The following RNF180 variants were observed in gnomAD, a reference collection of about 807,000 sequenced individuals.
The protein encoded by RNF180 is ring finger protein 180, also known as E3 ubiquitin-protein ligase RNF180.
RNF180 carries 38 observed loss-of-function variants against 59.2 expected under a neutral mutation model. The ratio of observed to expected loss-of-function variants is 0.64; its 90% CI spans 0.50 to 0.84. The LOEUF (loss-of-function observed/expected upper bound fraction) is 0.84. Ranked by LOEUF, RNF180 falls within the 40% of genes least tolerant of loss-of-function variation. The probability of loss-of-function intolerance (pLI) is 0.00; values close to 1 mark genes in which losing one functional copy is unlikely to be tolerated. For missense variants in RNF180, 705 were observed against 700.9 expected (o/e 1.01, Z -0.07); for synonymous variants, 262 against 240.3 (o/e 1.09, Z -0.84).
chr5:64,294,895 G>A (rs757517372), intron 5 of RNF180, among the ~76,000 whole-genome samples: 16 of 151,926 alleles, frequency 1.1e-4, no homozygotes, highest in African/African-American at 1.9e-4. Flanking sequence ...GACATAAAGC[G>A]TATTACTCTG....
chr5:64,216,688 T>G (rs1281366717), intron 4 of RNF180, among the ~76,000 whole-genome samples: 1 of 152,146 alleles, frequency 6.6e-6, no homozygotes, highest in Admixed American at 6.5e-5. Context: ...GTAAATGAGA[T>G]TGATATTAAA....
At chr5:64,165,602 A>G (rs1379377705), upstream of RNF180, among the ~76,000 whole-genome samples, 1 of 152,200 alleles carries the variant, frequency 6.6e-6, no homozygotes, top group Non-Finnish European at 1.5e-5. Flanking sequence ...AGGGGATGAC[A>G]AGGGAGAAAA....
At chr5:64,196,520 T>TA (rs1469778717) in intron 1 of RNF180, among the ~76,000 whole-genome samples, 1 of 152,162 alleles carries the variant, frequency 6.6e-6, no homozygotes, top group African/African-American at 2.4e-5. Context: ...TTTTTTCTTT[T>TA]AATCTTTTAT....
At chr5:64,291,491 C>A (rs1742583687) in intron 5 of RNF180, among the ~76,000 whole-genome samples, 1 of 123,534 alleles carries the variant, frequency 8.1e-6, no homozygotes, top group African/African-American at 3.2e-5. Context: ...GTGGTGCGAT[C>A]TTGGCTCACT....
intron 6 of RNF180, among the ~76,000 whole-genome samples, chr5:64,328,042 G>A (rs1580260029): frequency 1.3e-5 from 2 of 152,138 alleles, no homozygotes; most frequent in East Asian, 1.9e-4. Flanking sequence ...GGAAGAGGGA[G>A]AGGAAAAGGA....
At chr5:64,350,885 A>G (rs1172131265) in intron 7 of RNF180, among the ~76,000 whole-genome samples, 1 of 152,056 alleles carries the variant, frequency 6.6e-6, no homozygotes, top group African/African-American at 2.4e-5. Flanking sequence ...TTGACTTGGC[A>G]ATGCGGGCTC....
chr5:64,241,533 C>G (rs1742807239), intron 5 of RNF180, among the ~76,000 whole-genome samples: 1 of 152,154 alleles, frequency 6.6e-6, no homozygotes, highest in Non-Finnish European at 1.5e-5. Context: ...CATATGATAA[C>G]TTATTCTATT....
intron 1 of RNF180, among the ~76,000 whole-genome samples, chr5:64,187,563 G>A (rs999916528): frequency 6.6e-6 from 1 of 152,138 alleles, no homozygotes; most frequent in Non-Finnish European, 1.5e-5. Flanking sequence ...GACAGTTTAA[G>A]TTCATAAATT....
At chr5:64,205,970 C>G (rs1751994212) in intron 2 of RNF180, among the ~76,000 whole-genome samples, 1 of 151,948 alleles carries the variant, frequency 6.6e-6, no homozygotes, top group African/African-American at 2.4e-5. Flanking sequence ...GACGAACATT[C>G]TCTAGGAAAA....
At chr5:64,180,492 AT>A (rs1380632285) in intron 1 of RNF180, among the ~76,000 whole-genome samples, 1 of 152,162 alleles carries the variant, frequency 6.6e-6, no homozygotes, top group East Asian at 1.9e-4. Context: ...CCATTTTCTC[AT>A]TTTTCATTAA....
At chr5:64,362,809 G>A (rs1184164438) in intron 7 of RNF180, among the ~76,000 whole-genome samples, 2 of 151,750 alleles carry the variant, frequency 1.3e-5, no homozygotes, top group Non-Finnish European at 2.9e-5. Context: ...GTATCTCATT[G>A]TGGTTTTGAT....
At chr5:64,195,021 G>A (rs1270857009) in intron 1 of RNF180, among the ~76,000 whole-genome samples, 4 of 152,086 alleles carry the variant, frequency 2.6e-5, no homozygotes, top group African/African-American at 9.7e-5. Context: ...CTAGTAGTAT[G>A]TTAGAAATTA....
chr5:64,338,879 A>T (rs1400372185), intron 7 of RNF180, among the ~76,000 whole-genome samples: 2 of 152,082 alleles, frequency 1.3e-5, no homozygotes, highest in Non-Finnish European at 2.9e-5. Context: ...AATAGATTGT[A>T]ATTGATGTTC....
intron 5 of RNF180, among the ~76,000 whole-genome samples, chr5:64,222,431 G>C (rs1265808276): frequency 6.6e-6 from 1 of 152,156 alleles, no homozygotes; most frequent in Non-Finnish European, 1.5e-5. Context: ...CATCAGCAAA[G>C]GGAGGGGGTA....
intron 7 of RNF180, among the ~76,000 whole-genome samples, chr5:64,343,656 A>G (rs1745445394): frequency 6.6e-6 from 1 of 151,904 alleles, no homozygotes; most frequent in African/African-American, 2.4e-5. Context: ...AGGATGACTG[A>G]CTTGAACAGG....
At chr5:64,317,914 C>T (rs909121233) in intron 5 of RNF180, among the ~76,000 whole-genome samples, 1 of 152,078 alleles carries the variant, frequency 6.6e-6, no homozygotes, top group African/African-American at 2.4e-5. Context: ...TACATTTGCC[C>T]ACAGTTGGGC....
chr5:64,213,499 TTTCTC>T (rs1752419543), intron 3 of RNF180, 54 bp from the exon 4 acceptor site: 3 of 1,492,688 alleles, frequency 2.0e-6, no homozygotes, highest in East Asian at 2.3e-5. Context: ...GAAAAAAAAA[TTTCTC>T]TTCAGTTACT....
Position 64,292,228 on chromosome 5 carries a change from C to T in RNF180, c.1228-32958C>T, listed in dbSNP as rs183262229. Among the ~76,000 whole-genome samples, 340 of 152,214 alleles carry T rather than the reference C, an allele frequency of 2.2e-3. 1 individual carries two copies. The highest frequency in any genetic ancestry group is 3.8e-3 in the Non-Finnish European group (260 of 68,002). ...AAGGCACTCTGGCCTTTTGAGTTTT[C>T]AGCATTTTTGCATTGATTCTGTCTT... On this transcript the variant is annotated intron_variant, in intron 5 of 7. Transcript: ENST00000389100.
chr5:64,173,598 T>C (rs1160358556), intron 1 of RNF180, among the ~76,000 whole-genome samples: 1 of 152,148 alleles, frequency 6.6e-6, no homozygotes, highest in Non-Finnish European at 1.5e-5. Flanking sequence ...AGTTCGTACC[T>C]ATTGACCAAT....
Sources: allele counts gnomAD v4.1 joint callset (sites outside exome capture counted in the v4.1 genomes callset), GRCh38; gene constraint gnomAD v4.1.1; transcripts MANE v1.5; gene names NCBI Gene and HGNC (gene_info 2026-07-23, HGNC 2026-07-21).